The following PDE11A variants were observed in gnomAD, a reference collection of about 807,000 sequenced individuals.
PDE11A encodes dual 3',5'-cyclic-AMP and -GMP phosphodiesterase 11A.
Under a neutral mutation model 100.5 loss-of-function variants are expected in PDE11A, and 100 were observed. The observed-to-expected ratio is 1.00, with a 90% CI of 0.85 to 1.18. The LOEUF is 1.18. Ranked by LOEUF, PDE11A falls within the 50% of genes most tolerant of loss-of-function variation. PDE11A has a pLI of 0.00. For synonymous variants in PDE11A, 381 were observed against 420.8 expected (o/e 0.91, Z 1.16); for missense variants, 1,141 against 1,152.6 (o/e 0.99, Z 0.15).
intron 10 of PDE11A, among the ~76,000 whole-genome samples, chr2:177,741,862 C>A (rs905970158): frequency 5.9e-5 from 9 of 152,012 alleles, no homozygotes; most frequent in African/African-American, 1.9e-4. Context: ...TAGGCAAGAT[C>A]CTATCTGTAC....
chr2:177,789,548 G>A (rs986640231), intron 9 of PDE11A, among the ~76,000 whole-genome samples: 1 of 151,582 alleles, frequency 6.6e-6, no homozygotes, highest in African/African-American at 2.4e-5. Context: ...GGACAATTAG[G>A]CAGAAGAAGG....
chr2:177,628,673 C>G lies in PDE11A; in HGVS notation c.*734G>C, dbSNP rs2079871163. ...CTTCCACCCTTACTTTAATCAAAAT[C>G]TATCAATCCATTCCTTCTGGGAGAA... On this transcript the variant is annotated 3_prime_UTR_variant, in exon 20 of 20. Transcript: ENST00000286063. The G allele has an allele frequency of 6.6e-6, 1 of 152,436 alleles. No homozygotes were observed. Among genetic ancestry groups the G allele is most frequent in the Non-Finnish European group, 1.5e-5 (1 of 68,262 alleles). 9.4% of individuals were successfully genotyped at this position (152,436 alleles called of 1,614,324 possible). A position where few individuals can be genotyped will look rare whatever the true frequency, so the allele number is the denominator to read the frequency against.
chr2:177,837,153 G>C (rs537035487), intron 6 of PDE11A, among the ~76,000 whole-genome samples: 2 of 152,318 alleles, frequency 1.3e-5, no homozygotes, highest in South Asian at 4.1e-4. Context: ...TATATTCTCT[G>C]TAAAGTTTTG....
At chr2:177,707,514 C>T (rs575988894) in intron 13 of PDE11A, among the ~76,000 whole-genome samples, 1 of 152,266 alleles carries the variant, frequency 6.6e-6, no homozygotes, top group African/African-American at 2.4e-5. Context: ...ACAGTCTCTC[C>T]GTTCTGCTTC....
intron 10 of PDE11A, among the ~76,000 whole-genome samples, chr2:177,739,525 G>C (rs2081841808): frequency 6.6e-6 from 1 of 152,174 alleles, no homozygotes; most frequent in Non-Finnish European, 1.5e-5. Flanking sequence ...CATGAGGCTA[G>C]TTACCCAATC....
intron 10 of PDE11A, among the ~76,000 whole-genome samples, chr2:177,728,900 A>G (rs1371755395): frequency 6.6e-6 from 1 of 152,140 alleles, no homozygotes; most frequent in Non-Finnish European, 1.5e-5. Context: ...GCTGCCCACA[A>G]ACGAGCCTAA....
chr2:177,787,653 G>A (rs2082558113), intron 9 of PDE11A, among the ~76,000 whole-genome samples: 1 of 149,402 alleles, frequency 6.7e-6, no homozygotes, highest in Non-Finnish European at 1.5e-5. Context: ...CATCTCACGT[G>A]CAGAGACACA....
chr2:177,944,828 C>CTCTCCG (rs1158031634), intron 2 of PDE11A, among the ~76,000 whole-genome samples: 3 of 129,874 alleles, frequency 2.3e-5, no homozygotes, highest in Admixed American at 7.4e-5. Context: ...CTCCCTCTCC[C>CTCTCCG]TCTCCCTCTC....
chr2:177,870,820 T>C (rs956994047), intron 5 of PDE11A, among the ~76,000 whole-genome samples: 2 of 152,172 alleles, frequency 1.3e-5, no homozygotes, highest in Non-Finnish European at 2.9e-5. Context: ...TAGTGTCATG[T>C]TGTTTCTGTT....
intron 2 of PDE11A, among the ~76,000 whole-genome samples, chr2:178,079,250 A>G (rs2087253274): frequency 6.6e-6 from 1 of 152,190 alleles, no homozygotes; most frequent in Admixed American, 6.5e-5. Flanking sequence ...CTAGGTATTA[A>G]GCCCAGCATG....
intron 4 of PDE11A, among the ~76,000 whole-genome samples, chr2:177,891,486 A>ATC (rs1196252331): frequency 4.6e-5 from 7 of 152,344 alleles, no homozygotes; most frequent in African/African-American, 1.7e-4. Flanking sequence ...TTCTCATCAG[A>ATC]ATTGAATGAT....
intron 2 of PDE11A, chr2:177,998,559 C>T (rs1312957006): frequency 5.3e-6 from 7 of 1,313,114 alleles, no homozygotes; most frequent in Non-Finnish European, 6.6e-6. Flanking sequence ...TTCATCTTCA[C>T]AGAGGTCTAA....
At chr2:177,792,916 C>G (rs942495888) in intron 9 of PDE11A, among the ~76,000 whole-genome samples, 3 of 152,130 alleles carry the variant, frequency 2.0e-5, no homozygotes, top group Non-Finnish European at 4.4e-5. Flanking sequence ...AGTCAAGTAG[C>G]AAAATGCGAA....
At position 177,816,976 on chromosome 2, in the gene PDE11A, T is replaced by C. The variant is rs1032626608; in HGVS notation, c.1645-55A>G. Reference sequence around the variant, plus strand: ...ATTGCAGCAACTCATTGGCAAAATCTAATATGAAAGCAGGCAGCCACCAGG... The same window carrying C: ...ATTGCAGCAACTCATTGGCAAAATCCAATATGAAAGCAGGCAGCCACCAGG... On this transcript the variant is annotated intron_variant, in intron 8 of 19. Transcript: ENST00000286063. 8.7e-6 allele frequency: 9 copies of C among 1,038,700 alleles called. No individual in the cohort carries two copies. The East Asian group carries it at 2.1e-4, about 25-fold the overall frequency. The allele number at this position is 1,038,700 out of a possible 1,614,324, so 64.3% of individuals were successfully genotyped here.
chr2:178,007,625 C>T (rs370594107), intron 2 of PDE11A, among the ~76,000 whole-genome samples: 22 of 152,070 alleles, frequency 1.4e-4, no homozygotes, highest in East Asian at 3.8e-4. Flanking sequence ...TCAAATATAA[C>T]GAAATCATGA....
chr2:178,071,607 C>T lies in PDE11A; in HGVS notation c.831G>A (p.Glu277=). The change falls in exon 1 of 20, where the codon GAG becomes GAA. Residue 277 remains glutamate (E), a synonymous_variant. Transcript: ENST00000286063. ...LPCSSTENSN[E]VQVPWGKGII... The stretch of plus-strand genomic sequence containing the variant: ...TACCTTTGCCCCAGGGGACCTGCAC[C>T]TCATTTGAGTTCTCTGTGCTGCTGC... The T allele has an allele frequency of 5.0e-6, 8 of 1,613,972 alleles. No individual in the cohort carries two copies. Among genetic ancestry groups the T allele is most frequent in the Non-Finnish European group, 6.8e-6 (8 of 1,179,874 alleles).
At chr2:177,867,838 T>C (rs886924450) in intron 5 of PDE11A, among the ~76,000 whole-genome samples, 1 of 152,232 alleles carries the variant, frequency 6.6e-6, no homozygotes, top group African/African-American at 2.4e-5. Context: ...TACAGTCTCT[T>C]CCAAGTTTAT....
chr2:177,736,324 C>T (rs1002732361), intron 10 of PDE11A, among the ~76,000 whole-genome samples: 3 of 151,764 alleles, frequency 2.0e-5, no homozygotes, highest in South Asian at 4.2e-4. Context: ...CCAGCCTGGA[C>T]AACATGGTGA....
At chr2:177,650,232 C>T (rs2105459155) in intron 19 of PDE11A, among the ~76,000 whole-genome samples, 1 of 152,304 alleles carries the variant, frequency 6.6e-6, no homozygotes, top group East Asian at 1.9e-4. Flanking sequence ...TCTTCAATCC[C>T]TATCAGTCTC....
Sources: allele counts gnomAD v4.1 joint callset (sites outside exome capture counted in the v4.1 genomes callset), GRCh38; gene constraint gnomAD v4.1.1; transcripts MANE v1.5; gene names NCBI Gene and HGNC (gene_info 2026-07-23, HGNC 2026-07-21).